CWF19L2: variants seen among roughly 807,000 people sequenced by gnomAD.
CWF19L2 encodes CWF19 like cell cycle control factor 2, also known as CWF19-like protein 2.
In CWF19L2, 98 loss-of-function variants were observed where a neutral mutation model predicts 111.7. The ratio of observed to expected loss-of-function variants is 0.88; its 90% confidence interval spans 0.75 to 1.04. The LOEUF is 1.04. Among genes scored for constraint, CWF19L2 ranks in the 50% least tolerant of loss-of-function variants. CWF19L2 has a pLI of 0.00. For synonymous variants in CWF19L2, 351 were observed against 342.9 expected (o/e 1.02, Z -0.26); for missense variants, 1,101 against 1,051.4 (o/e 1.05, Z -0.65).
At chr11:107,428,372 T>C (rs1229531412) in intron 8 of CWF19L2, among the ~76,000 whole-genome samples, 1 of 152,154 alleles carries the variant, frequency 6.6e-6, no homozygotes, top group African/African-American at 2.4e-5. Context: ...ATTTGGGCCG[T>C]GGCAGCGTGT....
At chr11:107,357,093 G>A (rs539004867) in intron 12 of CWF19L2, among the ~76,000 whole-genome samples, 11 of 150,606 alleles carry the variant, frequency 7.3e-5, no homozygotes, top group Admixed American at 3.3e-4. Context: ...GAGACTAACA[G>A]AAACTAAGTA....
At chr11:107,437,692 C>G (rs1021578250) in intron 6 of CWF19L2, among the ~76,000 whole-genome samples, 5 of 152,112 alleles carry the variant, frequency 3.3e-5, no homozygotes, top group Admixed American at 2.6e-4. Flanking sequence ...TTTGATTCTG[C>G]TGTTTCAGTC....
rs565161341 is a variant in CWF19L2 at position 107,371,446 on chromosome 11, T to C, written c.1873-17710A>G. 7.3e-5 allele frequency among the ~76,000 whole-genome samples: 10 copies of C among 137,502 alleles called. 1 individual carries two copies. The East Asian group carries it at 8.4e-4, about 12-fold the overall frequency. 90.2% of individuals were successfully genotyped at this position (137,502 alleles called of 152,430 possible). A position where few individuals can be genotyped will look rare whatever the true frequency, so the allele number is the denominator to read the frequency against. Reference sequence around the variant, plus strand: ...CTCAAGACTATTCTCCCATATGACATTGACTTATGTGTAATTTTATGTATT... The same window carrying C: ...CTCAAGACTATTCTCCCATATGACACTGACTTATGTGTAATTTTATGTATT... On this transcript the variant is annotated intron_variant, in intron 12 of 17. Coordinates refer to ENST00000282251, the MANE Select transcript of CWF19L2 (RefSeq NM_152434.3).
At position 107,372,949 on chromosome 11, in the gene CWF19L2, G is replaced by A. The variant is rs1290870707; in HGVS notation, c.1872+17125C>T. Among the ~76,000 whole-genome samples, 3 of 116,674 alleles carry A rather than the reference G, an allele frequency of 2.6e-5. 1 individual carries two copies. Among genetic ancestry groups the A allele is most frequent in the Admixed American group, 8.0e-5 (1 of 12,442 alleles). 76.5% of individuals were successfully genotyped at this position (116,674 alleles called of 152,430 possible). ...GTGAGCCGAAGCAGGGCAAGGCATT[G>A]CCTCACTTGGGAAGTGCAAGGGGTC... is the stretch of plus-strand genomic sequence containing the variant. On this transcript the variant is annotated intron_variant, in intron 12 of 17. Transcript: ENST00000282251.
intron 6 of CWF19L2, among the ~76,000 whole-genome samples, chr11:107,435,985 C>A (rs546652868): frequency 1.3e-5 from 2 of 152,026 alleles, no homozygotes; most frequent in South Asian, 4.2e-4. Context: ...GAAACCCTGT[C>A]TCTACTAAAA....
At chr11:107,402,903 A>ATAT (rs60700487) in intron 10 of CWF19L2, among the ~76,000 whole-genome samples, 15 of 127,678 alleles carry the variant, frequency 1.2e-4, no homozygotes, top group South Asian at 2.3e-4. Context: ...ATATATATAT[A>ATAT]ATGGAATACT....
chr11:107,348,025 C>T (rs575747499), intron 14 of CWF19L2, among the ~76,000 whole-genome samples: 3 of 152,180 alleles, frequency 2.0e-5, no homozygotes, highest in South Asian at 2.1e-4. Flanking sequence ...ACTAGGAAAA[C>T]GCAAACTTTC....
intron 12 of CWF19L2, among the ~76,000 whole-genome samples, chr11:107,386,731 C>A (rs1389848371): frequency 3.3e-5 from 5 of 152,106 alleles, no homozygotes; most frequent in Admixed American, 6.5e-5. Context: ...TTAATAATTT[C>A]TTTGATCTCA....
In CWF19L2 at chr11:107,455,667, T is replaced by C. The variant is rs1472232980; in HGVS notation, c.215A>G (p.Gln72Arg). The C allele has an allele frequency of 6.5e-7, 1 of 1,530,602 alleles. No individual in the cohort carries two copies. The highest frequency in any genetic ancestry group is 8.9e-7 in the Non-Finnish European group (1 of 1,129,536). 94.8% of individuals were successfully genotyped at this position (1,530,602 alleles called of 1,614,324 possible). Residue 72 changes from glutamine to arginine, a missense_variant and splice_region_variant, in exon 2 of 18, where the codon CAG (glutamine) becomes CGG (arginine). Physicochemically the swap from Gln to Arg is conservative, Grantham distance 43 (BLOSUM62 1). Transcript: ENST00000282251. ...TCACGTAAACCTGTTAGTATTCACC[T>C]GTGAGAACTGTTCAATTCTCTCATT... ...DVNERIEQFSQEHSVKKKKKK... is the reference protein window; with the variant it reads ...DVNERIEQFSREHSVKKKKKK...
intron 10 of CWF19L2, among the ~76,000 whole-genome samples, chr11:107,412,219 T>C (rs201365759): frequency 6.6e-6 from 1 of 152,170 alleles, no homozygotes; most frequent in East Asian, 1.9e-4. Context: ...TACACATATA[T>C]ATAATTTGAA....
rs115588586 is a variant in CWF19L2 at position 107,457,075 on chromosome 11, T to C, written c.105+637A>G. Among the ~76,000 whole-genome samples the C allele has an allele frequency of 2.8e-3, 426 of 152,342 alleles. 1 individual carries two copies. Among genetic ancestry groups the C allele is most frequent in the African/African-American group, 9.9e-3 (410 of 41,592 alleles). On this transcript the variant is annotated intron_variant, in intron 1 of 17. Transcript: ENST00000282251. The stretch of plus-strand genomic sequence containing the variant: ...CTTTCATTGCCACACTTCTTACATA[T>C]TGAATAGATTGTCAGATAATTCAGA...
intron 3 of CWF19L2, among the ~76,000 whole-genome samples, chr11:107,445,839 G>A (rs552449478): frequency 1.7e-4 from 26 of 152,232 alleles, no homozygotes; most frequent in Middle Eastern, 3.4e-3. Flanking sequence ...CCTACCAACA[G>A]AATCCCATTT....
chr11:107,372,930 C>T (rs2134572926), intron 12 of CWF19L2, among the ~76,000 whole-genome samples: 1 of 122,182 alleles, frequency 8.2e-6, no homozygotes, highest in East Asian at 2.5e-4. Flanking sequence ...ATGCGTGAGC[C>T]GAAGCAGGGC....
intron 10 of CWF19L2, among the ~76,000 whole-genome samples, chr11:107,399,686 C>T (rs138000554): frequency 0.013 from 2,002 of 152,198 alleles, 40 homozygotes; most frequent in African/African-American, 0.045. Flanking sequence ...AAAGAAACAA[C>T]GAATTTAAAC....
At chr11:107,416,330 G>T in intron 9 of CWF19L2, 32 bp from the exon 10 acceptor site, 1 of 960,094 alleles carries the variant, frequency 1.0e-6, no homozygotes, top group Non-Finnish European at 1.5e-6. Flanking sequence ...AAATATGTGC[G>T]ATATGTAGTT....
chr11:107,347,318 T>C (rs1403777472), intron 14 of CWF19L2, among the ~76,000 whole-genome samples: 6 of 152,174 alleles, frequency 3.9e-5, no homozygotes, highest in African/African-American at 1.2e-4. Flanking sequence ...GGCAACAACA[T>C]TTTGTGCTAA....
chr11:107,455,289 T>G (rs1861837971), intron 2 of CWF19L2, among the ~76,000 whole-genome samples: 1 of 152,052 alleles, frequency 6.6e-6, no homozygotes, highest in South Asian at 2.1e-4. Flanking sequence ...TTTACACAAT[T>G]ATTATTTGTC....
chr11:107,360,228 C>T (rs1487175872), intron 12 of CWF19L2, among the ~76,000 whole-genome samples: 1 of 152,080 alleles, frequency 6.6e-6, no homozygotes, highest in Non-Finnish European at 1.5e-5. Flanking sequence ...TTTCTGTGCC[C>T]GACTTGTTTC....
At chr11:107,426,884 T>A (rs1307721634) in intron 8 of CWF19L2, among the ~76,000 whole-genome samples, 1 of 151,824 alleles carries the variant, frequency 6.6e-6, no homozygotes, top group Non-Finnish European at 1.5e-5. Flanking sequence ...GCAAATAGGA[T>A]TAGGGTTGGA....
Sources: gnomAD v4.1 joint callset for allele counts (sites outside exome capture counted in the v4.1 genomes callset) on GRCh38, gnomAD v4.1.1 for gene constraint, MANE v1.5 for transcripts, NCBI Gene and HGNC (gene_info 2026-07-23, HGNC 2026-07-21) for gene names.